PCDH9: variants seen among roughly 807,000 people sequenced by gnomAD.
PCDH9 encodes protocadherin 9.
In PCDH9, 24 loss-of-function variants were observed where a neutral mutation model predicts 70.6. The observed-to-expected ratio is 0.34, with a 90% CI of 0.25 to 0.48. PCDH9 has a LOEUF of 0.48. PCDH9 is among the 20% of genes least tolerant of loss of function. The probability of loss-of-function intolerance (pLI) is 0.99; values close to 1 mark genes in which losing one functional copy is unlikely to be tolerated. For missense variants in PCDH9, 1,281 were observed against 1,503.6 expected (o/e 0.85, Z 2.45); for synonymous variants, 562 against 558.5 (o/e 1.01, Z -0.09).
intron 2 of PCDH9, among the ~76,000 whole-genome samples, chr13:67,036,069 T>G (rs146207203): frequency 2.6e-5 from 4 of 152,138 alleles, no homozygotes; most frequent in Non-Finnish European, 4.4e-5. Context: ...GTGACCAAAA[T>G]TGGAACAGCA....
intron 2 of PCDH9, among the ~76,000 whole-genome samples, chr13:67,175,150 A>G (rs1239158887): frequency 6.6e-6 from 1 of 152,026 alleles, no homozygotes; most frequent in Non-Finnish European, 1.5e-5. Context: ...AAATGAAATA[A>G]AAAATGTTTT....
chr13:66,358,947 C>T (rs1254459835), intron 4 of PCDH9, among the ~76,000 whole-genome samples: 1 of 151,832 alleles, frequency 6.6e-6, no homozygotes, highest in Non-Finnish European at 1.5e-5. Flanking sequence ...ATATTTTTTC[C>T]CTCTAGAGTC....
rs140576804 is a variant in PCDH9, at chr13:66,609,022, C to T, written c.3340+22188G>A. Among the ~76,000 whole-genome samples the T allele has an allele frequency of 7.3e-4, 111 of 152,222 alleles. No individual in the cohort carries two copies. The East Asian group carries it at 9.8e-3, about 14-fold the overall frequency. On this transcript the variant is annotated intron_variant, in intron 4 of 4. Coordinates refer to ENST00000377865, the MANE Select transcript of PCDH9 (RefSeq NM_203487.3). ...CAACTTGGCATGTATTAAGTGAGAT[C>T]TTCAAATGGGTGTCAGGAATGCTGT...
chr13:66,786,564 C>T (rs1054765104), intron 3 of PCDH9, among the ~76,000 whole-genome samples: 8 of 152,100 alleles, frequency 5.3e-5, no homozygotes, highest in Non-Finnish European at 7.4e-5. Flanking sequence ...GATATTTAAG[C>T]GAAGTACAAA....
At chr13:66,321,430 A>G (rs533163021) in intron 4 of PCDH9, among the ~76,000 whole-genome samples, 1 of 152,136 alleles carries the variant, frequency 6.6e-6, no homozygotes, top group African/African-American at 2.4e-5. Flanking sequence ...GTGATTGAGC[A>G]TGGATGATCA....
Position 66,604,022 on chromosome 13 carries a change from A to T in PCDH9, c.3340+27188T>A, listed in dbSNP as rs544024378. 1.1e-4 allele frequency among the ~76,000 whole-genome samples: 17 copies of T among 152,118 alleles called. No homozygotes were observed. In the South Asian group the frequency reaches 3.1e-3, roughly 28 times the overall value. On this transcript the variant is annotated intron_variant, in intron 4 of 4. Coordinates refer to ENST00000377865, the MANE Select transcript of PCDH9 (RefSeq NM_203487.3). ...ATGATGATTATTTTGACTTCTCTTT[A>T]TACAAGTAAATATGCTTTTTATGTT...
At chr13:66,558,855 G>T (rs1961865484) in intron 4 of PCDH9, among the ~76,000 whole-genome samples, 1 of 152,098 alleles carries the variant, frequency 6.6e-6, no homozygotes, top group South Asian at 2.1e-4. Flanking sequence ...TCGTTCCTAG[G>T]AGTTTCTAGG....
intron 3 of PCDH9, chr13:66,825,175 A>G (rs2080796407): frequency 6.6e-6 from 1 of 151,514 alleles, no homozygotes. Flanking sequence ...CCACTGAATG[A>G]CCACAGGAAA....
At chr13:66,466,731 G>A (rs1436871570) in intron 4 of PCDH9, among the ~76,000 whole-genome samples, 1 of 151,932 alleles carries the variant, frequency 6.6e-6, no homozygotes, top group Admixed American at 6.6e-5. Flanking sequence ...TAAAAATGTG[G>A]TTTTCAAACT....
intron 2 of PCDH9, among the ~76,000 whole-genome samples, chr13:66,946,009 T>C (rs995464376): frequency 2.6e-5 from 4 of 152,168 alleles, no homozygotes; most frequent in African/African-American, 9.7e-5. Context: ...TATTTTCAGG[T>C]ATTGTAACAT....
chr13:66,451,011 C>G (rs540019258), intron 4 of PCDH9, among the ~76,000 whole-genome samples: 1 of 151,984 alleles, frequency 6.6e-6, no homozygotes, highest in Non-Finnish European at 1.5e-5. Context: ...AGCAAGACTC[C>G]GTCTCAAAAA....
chr13:66,956,394 A>G (rs577775424), intron 2 of PCDH9, among the ~76,000 whole-genome samples: 1 of 152,256 alleles, frequency 6.6e-6, no homozygotes, highest in South Asian at 2.1e-4. Context: ...TAAATTAAGT[A>G]TTTTTAAAAA....
At chr13:67,165,299 ATTG>A (rs768512830) in intron 2 of PCDH9, among the ~76,000 whole-genome samples, 9 of 152,062 alleles carry the variant, frequency 5.9e-5, no homozygotes, top group African/African-American at 1.9e-4. Context: ...TCATACTATA[ATTG>A]TTGTTTATCT....
intron 3 of PCDH9, among the ~76,000 whole-genome samples, chr13:66,710,866 C>T (rs760802134): frequency 1.3e-5 from 2 of 152,108 alleles, no homozygotes; most frequent in African/African-American, 4.8e-5. Context: ...CTTCCATAGC[C>T]ACATTCCCTT....
chr13:66,790,208 G>C (rs1435026544), intron 3 of PCDH9, among the ~76,000 whole-genome samples: 2 of 151,910 alleles, frequency 1.3e-5, no homozygotes, highest in Admixed American at 6.6e-5. Context: ...TAATAAGGTG[G>C]GACATTATTT....
chr13:66,525,387 A>G lies in PCDH9; in HGVS notation c.3340+105823T>C, dbSNP rs1024312173. Among the ~76,000 whole-genome samples, 15 of 152,204 alleles carry G rather than the reference A, an allele frequency of 9.9e-5. No individual in the cohort carries two copies. The East Asian group carries it at 2.1e-3, about 22-fold the overall frequency. ...CTCCTGCCAGTCCTAGCCCCTCCAC[A>G]TGTGTTCTGCATCCAATTTCCTCTT... is the stretch of plus-strand genomic sequence containing the variant. On this transcript the variant is annotated intron_variant, in intron 4 of 4. Transcript: ENST00000377865.
chr13:66,934,115 C>A (rs896016241), intron 2 of PCDH9, among the ~76,000 whole-genome samples: 22 of 152,140 alleles, frequency 1.4e-4, no homozygotes, highest in African/African-American at 4.8e-4. Context: ...ATGGCCCCCA[C>A]TAAATGTTGC....
chr13:66,431,610 T>G (rs887655936), intron 4 of PCDH9, among the ~76,000 whole-genome samples: 1 of 152,050 alleles, frequency 6.6e-6, no homozygotes, highest in Non-Finnish European at 1.5e-5. Context: ...AATACCAGTA[T>G]AACATGAACA....
chr13:66,428,602 T>A (rs1335388136), intron 4 of PCDH9, among the ~76,000 whole-genome samples: 1 of 151,752 alleles, frequency 6.6e-6, no homozygotes, highest in Non-Finnish European at 1.5e-5. Context: ...GCATCCTTAT[T>A]TATAAATCAG....
Sources: allele counts gnomAD v4.1 joint callset (sites outside exome capture counted in the v4.1 genomes callset), GRCh38; gene constraint gnomAD v4.1.1; transcripts MANE v1.5; gene names NCBI Gene and HGNC (gene_info 2026-07-23, HGNC 2026-07-21).